Variants in SEC24A observed in about 807,000 individuals in gnomAD.
The protein encoded by SEC24A is SEC24 homolog A, COPII component, also known as protein transport protein Sec24A.
A neutral mutation model predicts 129.4 loss-of-function variants in SEC24A; 93 were observed. That is an observed-to-expected ratio of 0.72 (90% CI 0.61 to 0.85). SEC24A has a LOEUF of 0.85. Among genes scored for constraint, SEC24A ranks in the 40% least tolerant of loss-of-function variants. SEC24A has a pLI of 0.00. For synonymous variants in SEC24A, 460 were observed against 467.3 expected (o/e 0.98, Z 0.20); for missense variants, 1,264 against 1,307.4 (o/e 0.97, Z 0.51).
In SEC24A at chr5:134,726,685, T is replaced by G. The variant is rs976646828; in HGVS notation, c.*1591T>G. 1 of 152,194 alleles carries G rather than the reference T, an allele frequency of 6.6e-6. No individual in the cohort carries two copies. The highest frequency in any genetic ancestry group is 2.4e-5 in the African/African-American group (1 of 41,456). 9.4% of individuals were successfully genotyped at this position (152,194 alleles called of 1,614,324 possible). A position where few individuals can be genotyped will look rare whatever the true frequency, so the allele number is the denominator to read the frequency against. ...GTTTTCTTGAAAGCTGCTTCATCTA[T>G]TAAGAAGCAATTTTCAAATTGTAGC... is the stretch of plus-strand genomic sequence containing the variant. On this transcript the variant is annotated 3_prime_UTR_variant, in exon 23 of 23. Transcript: ENST00000398844.
At chr5:134,648,660 C>T, upstream of SEC24A, 1 of 154,892 alleles carries the variant, frequency 6.5e-6, no homozygotes, top group South Asian at 1.9e-4. Flanking sequence ...CAGGAGCTGT[C>T]AGGTGGCCTC....
chr5:134,704,803 TAA>T (rs554646435), intron 16 of SEC24A, among the ~76,000 whole-genome samples: 77 of 131,192 alleles, frequency 5.9e-4, no homozygotes, highest in African/African-American at 1.7e-3. Context: ...ACCTTGTTTC[TAA>T]AAAAAAAAAA....
In SEC24A at chr5:134,692,455, C is replaced by T. The variant is rs1053746661; in HGVS notation, c.1724-147C>T. On this transcript the variant is annotated intron_variant, in intron 11 of 22. Coordinates refer to ENST00000398844, the MANE Select transcript of SEC24A (RefSeq NM_021982.3). Reference sequence around the variant, plus strand: ...TCATTGTGGTGGTTTTTTGGTGGTTCTTTGGACACATGTAAACAGTGCTAT... The same window carrying T: ...TCATTGTGGTGGTTTTTTGGTGGTTTTTTGGACACATGTAAACAGTGCTAT... 2.7e-5 allele frequency: 14 copies of T among 522,096 alleles called. No individual in the cohort carries two copies. The Admixed American group carries it at 3.4e-4, about 13-fold the overall frequency. 32.3% of individuals were successfully genotyped at this position (522,096 alleles called of 1,614,324 possible).
At position 134,661,390 on chromosome 5, in the gene SEC24A, T is replaced by C. The variant is rs1202702947; in HGVS notation, c.369T>C (p.Ser123=). ...ACCCAGCTACTACACCAATGCCTTC[T>C]AGTAGCTTTCTTCCTGAAGCCAACC... is the stretch of plus-strand genomic sequence containing the variant. The part of the protein sequence containing the change: ...SQNPATTPMP[S]SSFLPEANLP... The change falls in exon 2 of 23, where the codon TCT becomes TCC. Residue 123 remains serine, a synonymous_variant. Coordinates refer to ENST00000398844, the MANE Select transcript of SEC24A (RefSeq NM_021982.3). The C allele has an allele frequency of 6.2e-7, 1 of 1,614,196 alleles. No homozygotes were observed. Among genetic ancestry groups the C allele is most frequent in the Non-Finnish European group, 8.5e-7 (1 of 1,180,042 alleles).
At chr5:134,679,481 T>A (rs746203820) in intron 7 of SEC24A, 121 bp from the exon 8 acceptor site, 1 of 588,600 alleles carries the variant, frequency 1.7e-6, no homozygotes, top group Non-Finnish European at 2.8e-6. Flanking sequence ...CATCTTGTAC[T>A]CTAAGTTTTC....
At chr5:134,682,104 G>A (rs894964737) in intron 8 of SEC24A, among the ~76,000 whole-genome samples, 9 of 152,038 alleles carry the variant, frequency 5.9e-5, no homozygotes, top group Non-Finnish European at 1.0e-4. Flanking sequence ...TTAGCCGGGC[G>A]TGGTGGCGCA....
intron 19 of SEC24A, among the ~76,000 whole-genome samples, chr5:134,716,881 CTT>C (rs766433633): frequency 2.2e-4 from 29 of 131,704 alleles, no homozygotes; most frequent in Non-Finnish European, 2.4e-4. Context: ...AACTTTTTTA[CTT>C]TTTTTTTTTT....
chr5:134,720,955 T>C, intron 20 of SEC24A, 43 bp from the exon 21 acceptor site: 2 of 1,074,644 alleles, frequency 1.9e-6, no homozygotes, highest in Non-Finnish European at 2.9e-6. Context: ...AGACTCACCT[T>C]TATGTATGCT....
At chr5:134,691,025 G>A (rs1751628603) in intron 11 of SEC24A, among the ~76,000 whole-genome samples, 1 of 151,520 alleles carries the variant, frequency 6.6e-6, no homozygotes, top group South Asian at 2.1e-4. Context: ...TAATTTTTGT[G>A]GTTTTTAGTA....
chr5:134,723,643 C>G lies in SEC24A; in HGVS notation c.3140C>G (p.Pro1047Arg). The G allele has an allele frequency of 6.2e-7, 1 of 1,607,232 alleles. No homozygotes were observed. Among genetic ancestry groups the G allele is most frequent in the Non-Finnish European group, 8.5e-7 (1 of 1,174,034 alleles). Residue 1047 changes from proline to arginine, a missense_variant, in exon 22 of 23, where the codon CCA becomes CGA. Coordinates refer to ENST00000398844, the MANE Select transcript of SEC24A (RefSeq NM_021982.3). ...AFISWLREQR[P>R]FFPILYVIRD... is the part of the protein sequence containing the mutation. ...ATCTCTTGGCTTAGAGAGCAGAGAC[C>G]ATTTTTCCCAATACTTTATGTAATA...
At chr5:134,673,322 G>A (rs1750941123) in intron 4 of SEC24A, among the ~76,000 whole-genome samples, 1 of 152,050 alleles carries the variant, frequency 6.6e-6, no homozygotes, top group African/African-American at 2.4e-5. Flanking sequence ...CCAAAGTGCT[G>A]GGATTACAGG....
chr5:134,695,089 G>A (rs142437466), intron 13 of SEC24A, among the ~76,000 whole-genome samples: 190 of 152,206 alleles, frequency 1.2e-3, no homozygotes, highest in African/African-American at 4.2e-3. Context: ...AAAATAAAGG[G>A]TCAAGTGTGG....
intron 1 of SEC24A, among the ~76,000 whole-genome samples, chr5:134,654,505 C>T (rs1359820909): frequency 6.6e-6 from 1 of 152,078 alleles, no homozygotes; most frequent in Non-Finnish European, 1.5e-5. Flanking sequence ...CAGGCGTGAG[C>T]CACTGCGCCC....
chr5:134,697,838 T>A (rs1751873636), intron 14 of SEC24A, 61 bp from the exon 15 acceptor site: 1 of 1,456,284 alleles, frequency 6.9e-7, no homozygotes, highest in Non-Finnish European at 9.4e-7. Context: ...TGTCTTTAGT[T>A]ACTTTGGTGT....
intron 21 of SEC24A, among the ~76,000 whole-genome samples, chr5:134,721,561 CAAA>C (rs757908828): frequency 5.4e-5 from 3 of 55,394 alleles, no homozygotes. Flanking sequence ...GACTCCATCT[CAAA>C]AAAAAAAAAA....
At chr5:134,667,216 T>C (rs1199519390) in intron 3 of SEC24A, among the ~76,000 whole-genome samples, 1 of 152,184 alleles carries the variant, frequency 6.6e-6, no homozygotes, top group African/African-American at 2.4e-5. Context: ...TAGTGTTTTG[T>C]TACTTTTTTT....
At chr5:134,667,361 G>T (rs1456048027) in intron 3 of SEC24A, among the ~76,000 whole-genome samples, 1 of 151,932 alleles carries the variant, frequency 6.6e-6, no homozygotes. Context: ...CATTCAAGAC[G>T]TATTTTGAGC....
At chr5:134,665,090 A>G (rs1161775115) in intron 2 of SEC24A, among the ~76,000 whole-genome samples, 1 of 151,346 alleles carries the variant, frequency 6.6e-6, no homozygotes, top group Non-Finnish European at 1.5e-5. Flanking sequence ...GAGCCACTGC[A>G]CCCAGCCTAA....
chr5:134,705,949 G>A (rs965250284), intron 17 of SEC24A, among the ~76,000 whole-genome samples: 13 of 149,890 alleles, frequency 8.7e-5, no homozygotes, highest in South Asian at 2.1e-4. Context: ...GTGTAATGGC[G>A]CAATCTTGGC....
Sources: allele counts gnomAD v4.1 joint callset (sites outside exome capture counted in the v4.1 genomes callset), GRCh38; gene constraint gnomAD v4.1.1; transcripts MANE v1.5; gene names NCBI Gene and HGNC (gene_info 2026-07-23, HGNC 2026-07-21).